CECR2: variants seen among roughly 807,000 people sequenced by gnomAD.
The protein encoded by CECR2 is chromatin remodeling regulator CECR2.
In CECR2, 30 loss-of-function variants were observed where a neutral mutation model predicts 154.5. The ratio of observed to expected loss-of-function variants is 0.19; its 90% CI spans 0.15 to 0.26. CECR2 has a LOEUF of 0.26. CECR2 is among the 10% of genes least tolerant of loss of function. The probability of loss-of-function intolerance (pLI) is 1.00; values close to 1 mark genes in which losing one functional copy is unlikely to be tolerated. For synonymous variants in CECR2, 725 were observed against 683.7 expected, an observed-to-expected ratio of 1.06 and a Z score of -0.94; for missense variants, 1,743 against 1,829.3, an observed-to-expected ratio of 0.95 and a Z score of 0.86.
intron 1 of CECR2, among the ~76,000 whole-genome samples, chr22:17,421,209 C>T (rs537121322): frequency 5.9e-5 from 9 of 152,154 alleles, no homozygotes; most frequent in African/African-American, 1.9e-4. Flanking sequence ...TGGCTGGGCA[C>T]GGTGGCTCAC....
chr22:17,423,995 CT>C (rs1291439048), intron 1 of CECR2, among the ~76,000 whole-genome samples: 2 of 152,124 alleles, frequency 1.3e-5, no homozygotes, highest in Admixed American at 6.6e-5. Flanking sequence ...ATTTTCCATT[CT>C]TTTTGTTTTT....
At chr22:17,442,637 C>G (rs1213597194) in intron 1 of CECR2, among the ~76,000 whole-genome samples, 1 of 152,154 alleles carries the variant, frequency 6.6e-6, no homozygotes, top group African/African-American at 2.4e-5. Flanking sequence ...CAGCCTCCAC[C>G]TCCCGGATTC....
At chr22:17,531,160 G>A (rs2056348787) in intron 9 of CECR2, among the ~76,000 whole-genome samples, 1 of 152,084 alleles carries the variant, frequency 6.6e-6, no homozygotes, top group African/African-American at 2.4e-5. Context: ...CTTCAGCAGG[G>A]AAAACATCAC....
Position 17,403,919 on chromosome 22 carries a change from G to GT in CECR2, c.126+34018dup, listed in dbSNP as rs1010900228. ...TAAAGTACTGATCGAAGTTGGTGGG[G>GT]TTTTTTTTGAGTGGGGAGGGGGCAT... On this transcript the variant is annotated intron_variant, in intron 1 of 18. Transcript: ENST00000262608. Among the ~76,000 whole-genome samples, 9 of 151,762 alleles carry GT rather than the reference G, an allele frequency of 5.9e-5. No homozygotes were observed. In the South Asian group the frequency reaches 1.0e-3, roughly 18 times the overall value.
At chr22:17,388,428 G>A (rs915037326) in intron 1 of CECR2, among the ~76,000 whole-genome samples, 3 of 152,178 alleles carry the variant, frequency 2.0e-5, no homozygotes, top group Admixed American at 2.0e-4. Flanking sequence ...AGAGTGAAGC[G>A]ATTTACCCAA....
intron 1 of CECR2, among the ~76,000 whole-genome samples, chr22:17,405,893 A>G (rs1398253295): frequency 6.6e-6 from 1 of 152,196 alleles, no homozygotes; most frequent in African/African-American, 2.4e-5. Context: ...CAACCATAAA[A>G]TGTAGAGGCC....
intron 1 of CECR2, among the ~76,000 whole-genome samples, chr22:17,392,348 C>T (rs1418384331): frequency 6.6e-6 from 1 of 151,902 alleles, no homozygotes; most frequent in Non-Finnish European, 1.5e-5. Context: ...AAATTACAGG[C>T]ATGGTGGTGC....
intron 1 of CECR2, among the ~76,000 whole-genome samples, chr22:17,375,882 G>A (rs928172565): frequency 6.6e-6 from 1 of 151,990 alleles, no homozygotes. Flanking sequence ...TTGGAGCCGG[G>A]AGACGGAGGT....
intron 2 of CECR2, among the ~76,000 whole-genome samples, chr22:17,495,054 C>G (rs2055598663): frequency 6.6e-6 from 1 of 152,154 alleles, no homozygotes; most frequent in Non-Finnish European, 1.5e-5. Flanking sequence ...TTTCCTTTCA[C>G]TTTGCTGCAA....
At chr22:17,495,769 G>A (rs2055614267) in intron 2 of CECR2, among the ~76,000 whole-genome samples, 1 of 148,582 alleles carries the variant, frequency 6.7e-6, no homozygotes, top group African/African-American at 2.5e-5. Context: ...GGCTGAGGCA[G>A]GAGAATGGCG....
chr22:17,396,340 T>A (rs1389936263), intron 1 of CECR2, among the ~76,000 whole-genome samples: 3 of 150,032 alleles, frequency 2.0e-5, no homozygotes, highest in African/African-American at 4.9e-5. Context: ...AGTTCAGGAG[T>A]TTGAGACCAG....
intron 1 of CECR2, among the ~76,000 whole-genome samples, chr22:17,430,813 A>T (rs2158149): frequency 6.6e-6 from 1 of 152,222 alleles, no homozygotes; most frequent in South Asian, 2.1e-4. Flanking sequence ...ACCCTGGAAA[A>T]CAATTGCATT....
chr22:17,462,497 C>T (rs2054957601), intron 1 of CECR2, among the ~76,000 whole-genome samples: 1 of 152,132 alleles, frequency 6.6e-6, no homozygotes, highest in Admixed American at 6.5e-5. Context: ...TCTTTGGAGG[C>T]TTCTACACGA....
intron 1 of CECR2, among the ~76,000 whole-genome samples, chr22:17,396,221 G>A (rs1405389527): frequency 7.2e-6 from 1 of 138,804 alleles, no homozygotes; most frequent in African/African-American, 2.7e-5. Context: ...TAGCCTGGGC[G>A]ACAAGAGTGA....
chr22:17,490,476 C>A (rs1377336893), intron 2 of CECR2, among the ~76,000 whole-genome samples: 1 of 152,044 alleles, frequency 6.6e-6, no homozygotes, highest in Non-Finnish European at 1.5e-5. Flanking sequence ...GCTCTGTCAC[C>A]CAGGCTGGAG....
At chr22:17,367,371 G>A (rs899998944), upstream of CECR2, among the ~76,000 whole-genome samples, 4 of 151,950 alleles carry the variant, frequency 2.6e-5, no homozygotes, top group South Asian at 6.2e-4. Context: ...GGGAAACGCA[G>A]TAACACTTTT....
rs1051387343 is a variant in CECR2 at position 17,497,264 on chromosome 22, T to A, written c.222-139T>A. On this transcript the variant is annotated intron_variant, in intron 2 of 18. Coordinates refer to ENST00000262608, the MANE Select transcript of CECR2 (RefSeq NM_001290047.2). Reference sequence around the variant, plus strand: ...GAGATCTTGCCACTGTGCTCTAGCCTGGATGACAGAGCGAGACCCTGTCTG... The same window carrying A: ...GAGATCTTGCCACTGTGCTCTAGCCAGGATGACAGAGCGAGACCCTGTCTG... The A allele has an allele frequency of 3.7e-6, 3 of 805,042 alleles. No individual in the cohort carries two copies. The African/African-American group carries it at 5.2e-5, about 14-fold the overall frequency. The allele number at this position is 805,042 out of a possible 1,614,324, so 49.9% of individuals were successfully genotyped here. A position where few individuals can be genotyped will look rare whatever the true frequency, so the allele number is the denominator to read the frequency against.
At chr22:17,381,258 C>T (rs1437464291) in intron 1 of CECR2, among the ~76,000 whole-genome samples, 1 of 152,096 alleles carries the variant, frequency 6.6e-6, no homozygotes, top group Non-Finnish European at 1.5e-5. Flanking sequence ...AAAGACTTTC[C>T]CCCCATTTTC....
chr22:17,391,947 A>T (rs576891309), intron 1 of CECR2, among the ~76,000 whole-genome samples: 2 of 152,202 alleles, frequency 1.3e-5, no homozygotes. Context: ...GATTACAGGC[A>T]TGCGCCACCA....
Sources: gnomAD v4.1 joint callset for allele counts (sites outside exome capture counted in the v4.1 genomes callset) on GRCh38, gnomAD v4.1.1 for gene constraint, MANE v1.5 for transcripts, NCBI Gene and HGNC (gene_info 2026-07-23, HGNC 2026-07-21) for gene names.